The following AATF variants were observed in gnomAD, a reference collection of about 807,000 sequenced individuals.
The protein encoded by AATF is protein AATF.
In AATF, 48 loss-of-function variants were observed where a neutral mutation model predicts 63.7. The ratio of observed to expected loss-of-function variants is 0.75; its 90% CI spans 0.60 to 0.96. The LOEUF is 0.96. Ranked by LOEUF, AATF falls within the 40% of genes least tolerant of loss-of-function variation. The pLI, the probability that AATF is intolerant of heterozygous loss-of-function variation, is 0.00. For synonymous variants in AATF, 258 were observed against 247.7 expected, an observed-to-expected ratio of 1.04 and a Z score of -0.39; for missense variants, 639 against 685.7, an observed-to-expected ratio of 0.93 and a Z score of 0.76.
chr17:36,968,270 C>CTTTTTTTTTTTTTTTTTTTTTTTTTTT (rs3049638), intron 4 of AATF, among the ~76,000 whole-genome samples: 1 of 23,764 alleles, frequency 4.2e-5, no homozygotes. Context: ...TTCCTTCTTT[C>CTTTTTTTTTTTTTTTTTTTTTTTTTTT]TTTTTTTTTT....
At chr17:36,984,639 T>C (rs1444724745) in intron 4 of AATF, among the ~76,000 whole-genome samples, 3 of 152,160 alleles carry the variant, frequency 2.0e-5, no homozygotes, top group Non-Finnish European at 4.4e-5. Flanking sequence ...TTTTGTTTTT[T>C]GCGGGGAGAT....
chr17:37,047,549 A>G (rs1052350219), intron 11 of AATF, among the ~76,000 whole-genome samples: 3 of 152,136 alleles, frequency 2.0e-5, no homozygotes, highest in Non-Finnish European at 4.4e-5. Context: ...TGGGGCCTGA[A>G]CCTGCTTCTT....
chr17:36,953,125 G>A lies in AATF; in HGVS notation c.523G>A (p.Asp175Asn). 2 of 1,614,146 alleles carry A rather than the reference G, an allele frequency of 1.2e-6. No individual in the cohort carries two copies. The highest frequency in any genetic ancestry group is 1.7e-6 in the Non-Finnish European group (2 of 1,180,008). ...CCTTGGGAGCAGTGAGGAGGAGGAA[G>A]ACGAAGAGAGTGGCATGGAAGAAGG... ...DDLGSSEEEEDEESGMEEGDD... is the reference protein window; with the variant it reads ...DDLGSSEEEENEESGMEEGDD... Residue 175 changes from aspartate to asparagine, a missense_variant, in exon 3 of 12, where the codon GAC becomes AAC. Coordinates refer to ENST00000619387, the MANE Select transcript of AATF (RefSeq NM_012138.4).
Position 36,953,878 on chromosome 17 carries a change from G to A in AATF, c.803G>A (p.Gly268Asp), listed in dbSNP as rs2070877617. Residue 268 changes from glycine (G) to aspartate (D), a missense_variant, in exon 4 of 12, where the codon GGC becomes GAC. Physicochemically the swap from Gly to Asp is moderately conservative, Grantham distance 94. Coordinates refer to ENST00000619387, the MANE Select transcript of AATF (RefSeq NM_012138.4). ...DVFPLFKDKGGPEFSSALKNS... is the reference protein window; with the variant it reads ...DVFPLFKDKGDPEFSSALKNS... ...TTCCCATTGTTCAAGGACAAAGGTGGCCCAGAATTTTCCAGTGCCCTGAAA... is the reference window on the plus strand; with the variant it reads ...TTCCCATTGTTCAAGGACAAAGGTGACCCAGAATTTTCCAGTGCCCTGAAA... 1.9e-6 allele frequency: 3 copies of A among 1,613,864 alleles called. No individual in the cohort carries two copies. Among genetic ancestry groups the A allele is most frequent in the Non-Finnish European group, 2.5e-6 (3 of 1,180,012 alleles).
At chr17:37,046,446 A>AG (rs1459556549) in intron 11 of AATF, among the ~76,000 whole-genome samples, 3 of 152,212 alleles carry the variant, frequency 2.0e-5, no homozygotes, top group Admixed American at 6.5e-5. Context: ...CGGGTAGGGC[A>AG]GCTGGCCAGC....
At chr17:36,989,725 T>A (rs2071198691) in intron 7 of AATF, among the ~76,000 whole-genome samples, 1 of 152,196 alleles carries the variant, frequency 6.6e-6, no homozygotes, top group Non-Finnish European at 1.5e-5. Flanking sequence ...ATGTCAGTAT[T>A]GAAACAAGTG....
chr17:36,964,633 C>CT (rs2070976482), intron 4 of AATF, among the ~76,000 whole-genome samples: 2 of 152,164 alleles, frequency 1.3e-5, no homozygotes, highest in South Asian at 4.1e-4. Context: ...GTCATGGCTC[C>CT]TAGGCCACTC....
intron 4 of AATF, among the ~76,000 whole-genome samples, chr17:36,957,615 A>G (rs1367988746): frequency 6.6e-6 from 1 of 152,200 alleles, no homozygotes; most frequent in Non-Finnish European, 1.5e-5. Context: ...ACCTCCTTGA[A>G]GCGTTTAACT....
chr17:36,976,835 C>T (rs559024404), intron 4 of AATF, among the ~76,000 whole-genome samples: 29 of 152,232 alleles, frequency 1.9e-4, no homozygotes, highest in African/African-American at 6.7e-4. Context: ...TTCTGAGTCT[C>T]AGTGTTTCAA....
At chr17:36,957,161 T>TA (rs985305805) in intron 4 of AATF, among the ~76,000 whole-genome samples, 1 of 152,260 alleles carries the variant, frequency 6.6e-6, no homozygotes, top group Non-Finnish European at 1.5e-5. Flanking sequence ...ACAGAGTAGT[T>TA]AAAGTCAGAC....
intron 11 of AATF, among the ~76,000 whole-genome samples, chr17:37,033,349 T>G (rs1225397695): frequency 2.0e-5 from 3 of 152,178 alleles, no homozygotes; most frequent in Admixed American, 6.5e-5. Context: ...CAAAACTAGA[T>G]TTTGAAAATT....
Position 37,020,916 on chromosome 17 carries a change from T to A in AATF, c.1467-18T>A, listed in dbSNP as rs1348630007. Reference sequence around the variant, plus strand: ...TTCTGTTAGTGATGATGCATAACATTGCTTGTGAATTTTCCAGGCAGTGGC... The same window carrying A: ...TTCTGTTAGTGATGATGCATAACATAGCTTGTGAATTTTCCAGGCAGTGGC... On this transcript the variant is annotated intron_variant, in intron 9 of 11. Transcript: ENST00000619387. The A allele has an allele frequency of 6.2e-7, 1 of 1,604,928 alleles. No individual in the cohort carries two copies. The highest frequency in any genetic ancestry group is 8.5e-7 in the Non-Finnish European group (1 of 1,174,444).
chr17:37,031,493 C>T lies in AATF; in HGVS notation c.1548-121C>T, dbSNP rs2071551532. On this transcript the variant is annotated intron_variant, in intron 10 of 11. Transcript: ENST00000619387. ...TAAGTGCCTATGAATTTTTCCCTATCCCACTTTGTACCCAGATGTTCCAGT... is the reference window on the plus strand; with the variant it reads ...TAAGTGCCTATGAATTTTTCCCTATTCCACTTTGTACCCAGATGTTCCAGT... 6 of 824,508 alleles carry T rather than the reference C, an allele frequency of 7.3e-6. No homozygotes were observed. In the Admixed American group the frequency reaches 9.3e-5, roughly 13 times the overall value. 51.1% of individuals were successfully genotyped at this position (824,508 alleles called of 1,614,324 possible).
At chr17:37,043,917 C>T (rs188783710) in intron 11 of AATF, among the ~76,000 whole-genome samples, 104 of 152,220 alleles carry the variant, frequency 6.8e-4, no homozygotes, top group Non-Finnish European at 1.2e-3. Context: ...TTAAATGTAA[C>T]CCCTAACAGA....
At position 36,948,999 on chromosome 17, in the gene AATF, C is replaced by A. The variant is rs1175645606; in HGVS notation, c.-127C>A. ...GTCCAGAGCTGTGGGGTGGCCTCCG[C>A]GCGGTCTCTGGCGGAGTCGGGGAAT... On this transcript the variant is annotated 5_prime_UTR_variant, in exon 1 of 12. Coordinates refer to ENST00000619387, the MANE Select transcript of AATF (RefSeq NM_012138.4). The A allele has an allele frequency of 1.1e-6, 1 of 900,504 alleles. No individual in the cohort carries two copies. The highest frequency in any genetic ancestry group is 1.7e-6 in the Non-Finnish European group (1 of 592,256). 55.8% of individuals were successfully genotyped at this position (900,504 alleles called of 1,614,324 possible). A position where few individuals can be genotyped will look rare whatever the true frequency, so the allele number is the denominator to read the frequency against.
rs751739013 is a variant in AATF, at chr17:37,019,004, G to A, written c.1399-1G>A. On this transcript the variant is annotated splice_acceptor_variant, in intron 8 of 11. Coordinates refer to ENST00000619387, the MANE Select transcript of AATF (RefSeq NM_012138.4). LOFTEE classifies it high-confidence loss of function. ...ATTCGTTGCTTTCCTTTTTCCCCTA[G>A]CTCCTTCGAGAACTCATAGAACGGA... 209 of 1,613,578 alleles carry A rather than the reference G, an allele frequency of 1.3e-4. No individual in the cohort carries two copies. Among genetic ancestry groups the A allele is most frequent in the Non-Finnish European group, 1.7e-4 (197 of 1,179,698 alleles).
chr17:37,018,108 CT>C (rs2071441421), intron 8 of AATF, among the ~76,000 whole-genome samples: 1 of 152,216 alleles, frequency 6.6e-6, no homozygotes, highest in Non-Finnish European at 1.5e-5. Flanking sequence ...CTCTGTTTCT[CT>C]TTCTCTGCAT....
chr17:37,039,803 C>T (rs2071622599), intron 11 of AATF, among the ~76,000 whole-genome samples: 2 of 152,132 alleles, frequency 1.3e-5, no homozygotes, highest in Non-Finnish European at 2.9e-5. Flanking sequence ...TTCTATTTTT[C>T]CTGATTTGCT....
chr17:36,984,364 C>T (rs889035551), intron 4 of AATF, among the ~76,000 whole-genome samples: 1 of 152,152 alleles, frequency 6.6e-6, no homozygotes, highest in Non-Finnish European at 1.5e-5. Context: ...TCTATGAAAA[C>T]ACATTGAACA....
Sources: gnomAD v4.1 joint callset for allele counts (sites outside exome capture counted in the v4.1 genomes callset) on GRCh38, gnomAD v4.1.1 for gene constraint, MANE v1.5 for transcripts, NCBI Gene and HGNC (gene_info 2026-07-23, HGNC 2026-07-21) for gene names.